The following PLXDC2 variants were observed in gnomAD, a reference collection of about 807,000 sequenced individuals.
The protein encoded by PLXDC2 is plexin domain containing 2, also known as plexin domain-containing protein 2.
In PLXDC2, 40 loss-of-function variants were observed where a neutral mutation model predicts 68.9. That is an observed-to-expected ratio of 0.58 (90% CI 0.45 to 0.76). The LOEUF is 0.76. Ranked by LOEUF, PLXDC2 falls within the 30% of genes least tolerant of loss-of-function variation. PLXDC2 has a pLI of 0.00. For missense variants in PLXDC2, 644 were observed against 661.9 expected (o/e 0.97, Z 0.30); for synonymous variants, 243 against 234.2 (o/e 1.04, Z -0.34).
chr10:19,971,440 G>A (rs10159712), intron 1 of PLXDC2, among the ~76,000 whole-genome samples: 112,536 of 152,084 alleles, frequency 0.74, 41,970 homozygotes, highest in African/African-American at 0.82. Flanking sequence ...CTTAACAATC[G>A]AAGTTGTTAT....
chr10:19,822,998 C>T (rs747774496), intron 1 of PLXDC2, among the ~76,000 whole-genome samples: 12 of 151,954 alleles, frequency 7.9e-5, no homozygotes, highest in Non-Finnish European at 1.5e-4. Flanking sequence ...TCACTGCAAG[C>T]ACCGCCTCCC....
chr10:19,949,582 T>C (rs575678862), intron 1 of PLXDC2, among the ~76,000 whole-genome samples: 5 of 152,310 alleles, frequency 3.3e-5, no homozygotes, highest in African/African-American at 1.2e-4. Flanking sequence ...GCTTGGTAAA[T>C]GCAGCTTATG....
At chr10:20,146,740 A>G (rs905074491) in intron 5 of PLXDC2, among the ~76,000 whole-genome samples, 20 of 152,150 alleles carry the variant, frequency 1.3e-4, no homozygotes, top group African/African-American at 4.3e-4. Flanking sequence ...TTGGGTGTTC[A>G]AAATATTTGA....
chr10:20,094,186 AT>A, intron 4 of PLXDC2, among the ~76,000 whole-genome samples: 1 of 152,332 alleles, frequency 6.6e-6, no homozygotes. Context: ...CACCACTTGG[AT>A]TTTTAGCTGA....
chr10:19,918,804 G>C (rs1166715902), intron 1 of PLXDC2, among the ~76,000 whole-genome samples: 1 of 152,236 alleles, frequency 6.6e-6, no homozygotes, highest in Non-Finnish European at 1.5e-5. Flanking sequence ...AAAGGACATG[G>C]ATGAGAATGG....
At chr10:19,919,592 G>T (rs1429434156) in intron 1 of PLXDC2, among the ~76,000 whole-genome samples, 1 of 152,184 alleles carries the variant, frequency 6.6e-6, no homozygotes, top group Non-Finnish European at 1.5e-5. Flanking sequence ...ACAGCAATAT[G>T]TATTGTCCTC....
At chr10:20,001,629 A>T in intron 1 of PLXDC2, 146 bp from the exon 2 acceptor site, 1 of 690,172 alleles carries the variant, frequency 1.4e-6, no homozygotes. Context: ...CCAGCTCAAG[A>T]TATTGCAAGT....
intron 12 of PLXDC2, among the ~76,000 whole-genome samples, chr10:20,224,386 C>A (rs557659211): frequency 6.6e-6 from 1 of 152,144 alleles, no homozygotes; most frequent in South Asian, 2.1e-4. Flanking sequence ...TTTTCAAATC[C>A]TAGAAGTAGC....
intron 11 of PLXDC2, 36 bp downstream of exon 11, chr10:20,217,612 T>C (rs771045402): frequency 6.6e-7 from 1 of 1,526,026 alleles, no homozygotes. Context: ...TTTTTTTTTT[T>C]TTTTTTTTTT....
intron 4 of PLXDC2, among the ~76,000 whole-genome samples, chr10:20,069,436 C>A (rs930645021): frequency 1.3e-5 from 2 of 152,026 alleles, no homozygotes; most frequent in South Asian, 4.1e-4. Flanking sequence ...GTGGGAGGAT[C>A]GCTTGAGCCC....
At chr10:19,930,309 G>C (rs1833605492) in intron 1 of PLXDC2, among the ~76,000 whole-genome samples, 1 of 152,168 alleles carries the variant, frequency 6.6e-6, no homozygotes, top group Admixed American at 6.5e-5. Flanking sequence ...TAGAAGGATA[G>C]AAACTTCCTT....
intron 12 of PLXDC2, among the ~76,000 whole-genome samples, chr10:20,243,686 A>T (rs1254186876): frequency 7.0e-6 from 1 of 142,566 alleles, no homozygotes; most frequent in Non-Finnish European, 1.6e-5. Flanking sequence ...ATCAGTGCTT[A>T]TTAAATGAAG....
At chr10:20,140,026 C>T (rs1162504075) in intron 4 of PLXDC2, among the ~76,000 whole-genome samples, 3 of 152,072 alleles carry the variant, frequency 2.0e-5, no homozygotes, top group Middle Eastern at 3.2e-3. Flanking sequence ...AACGGCCAGG[C>T]GTGGTGGCAC....
chr10:20,134,755 G>T (rs1833913249), intron 4 of PLXDC2, among the ~76,000 whole-genome samples: 1 of 152,056 alleles, frequency 6.6e-6, no homozygotes, highest in South Asian at 2.1e-4. Flanking sequence ...AGCCATGGGG[G>T]CCAGCCTGTA....
chr10:20,145,578 C>A (rs1834065508), intron 5 of PLXDC2, among the ~76,000 whole-genome samples: 1 of 152,066 alleles, frequency 6.6e-6, no homozygotes, highest in Non-Finnish European at 1.5e-5. Context: ...GAGATGGAGT[C>A]TCACTCTGTC....
chr10:19,904,928 T>C (rs1482192337), intron 1 of PLXDC2, among the ~76,000 whole-genome samples: 3 of 152,200 alleles, frequency 2.0e-5, no homozygotes, highest in Non-Finnish European at 2.9e-5. Flanking sequence ...TAATCTCCAC[T>C]TCACCTAGTG....
intron 4 of PLXDC2, among the ~76,000 whole-genome samples, chr10:20,134,567 T>A (rs367893274): frequency 6.6e-6 from 1 of 152,048 alleles, no homozygotes; most frequent in East Asian, 1.9e-4. Flanking sequence ...AACTGGGCAA[T>A]CCTAGTGTCT....
At chr10:20,048,071 A>G (rs575137456) in intron 3 of PLXDC2, among the ~76,000 whole-genome samples, 1 of 152,210 alleles carries the variant, frequency 6.6e-6, no homozygotes, top group East Asian at 1.9e-4. Flanking sequence ...AAAGAAAACA[A>G]CTTTAACGTT....
intron 4 of PLXDC2, among the ~76,000 whole-genome samples, chr10:20,102,495 G>A (rs1369290675): frequency 6.6e-6 from 1 of 152,104 alleles, no homozygotes. Context: ...TGGACTATAT[G>A]TCTGTCCTAT....
Sources: gnomAD v4.1 joint callset for allele counts (sites outside exome capture counted in the v4.1 genomes callset) on GRCh38, gnomAD v4.1.1 for gene constraint, MANE v1.5 for transcripts, NCBI Gene and HGNC (gene_info 2026-07-23, HGNC 2026-07-21) for gene names.